ZFR: variants seen among roughly 807,000 people sequenced by gnomAD.
ZFR encodes zinc finger RNA binding protein.
In ZFR, 19 loss-of-function variants were observed where a neutral mutation model predicts 130.7. That is an observed-to-expected ratio of 0.15 (90% CI 0.10 to 0.21). The LOEUF is 0.21. Among genes scored for constraint, ZFR ranks in the 10% least tolerant of loss-of-function variants. The probability of loss-of-function intolerance (pLI) is 1.00; values close to 1 mark genes in which losing one functional copy is unlikely to be tolerated. For missense variants in ZFR, 872 were observed against 1,321.5 expected, an observed-to-expected ratio of 0.66 and a Z score of 5.27; for synonymous variants, 466 against 456.9, an observed-to-expected ratio of 1.02 and a Z score of -0.25.
chr5:32,396,113 G>A (rs1753303776), intron 10 of ZFR, among the ~76,000 whole-genome samples: 1 of 151,852 alleles, frequency 6.6e-6, no homozygotes, highest in Non-Finnish European at 1.5e-5. Context: ...CAGTTACTTG[G>A]GAGGCTGCGG....
intron 17 of ZFR, among the ~76,000 whole-genome samples, chr5:32,378,819 C>G (rs1259208531): frequency 2.0e-5 from 3 of 150,796 alleles, no homozygotes. Context: ...CTTCTTTATA[C>G]ATTTGTATAT....
In ZFR at chr5:32,387,568, T is replaced by A. The variant is rs1348524560; in HGVS notation, c.2480A>T (p.Asn827Ile). 6.2e-7 allele frequency: 1 copy of A among 1,612,502 alleles called. No homozygotes were observed. The highest frequency in any genetic ancestry group is 8.5e-7 in the Non-Finnish European group (1 of 1,179,314). Residue 827 changes from asparagine to isoleucine, a missense_variant, in exon 14 of 20, where the codon AAC becomes ATC. Physicochemically the swap from Asn to Ile is moderately radical, Grantham distance 149. This residue lies in a region of ZFR where 225 missense variants were observed against 282.4 expected (regional missense o/e 0.80). Coordinates refer to ENST00000265069, the MANE Select transcript of ZFR (RefSeq NM_016107.5). ...SKTLLSRIAE[N>I]LPKQLAVISP... Reference sequence around the variant, plus strand: ...ACTTACAGCAAGCTGTTTGGGTAGGTTTTCTGCAATACGGCTTAATAATGT... The same window carrying A: ...ACTTACAGCAAGCTGTTTGGGTAGGATTTCTGCAATACGGCTTAATAATGT...
chr5:32,358,904 T>C (rs897015952), intron 19 of ZFR, among the ~76,000 whole-genome samples: 1 of 152,088 alleles, frequency 6.6e-6, no homozygotes, highest in African/African-American at 2.4e-5. Flanking sequence ...TTTTCTTTTA[T>C]TAAAATTTAT....
At chr5:32,382,508 A>G (rs1225118601) in intron 15 of ZFR, among the ~76,000 whole-genome samples, 3 of 152,190 alleles carry the variant, frequency 2.0e-5, no homozygotes, top group Non-Finnish European at 4.4e-5. Context: ...TCACAATTTT[A>G]TTTCCTCCGA....
At chr5:32,374,793 C>T (rs866436400) in intron 17 of ZFR, among the ~76,000 whole-genome samples, 1 of 151,458 alleles carries the variant, frequency 6.6e-6, no homozygotes. Context: ...TATAAATTGC[C>T]AAAATTAACC....
At chr5:32,370,905 G>C (rs1008988186) in intron 17 of ZFR, among the ~76,000 whole-genome samples, 1 of 152,114 alleles carries the variant, frequency 6.6e-6, no homozygotes, top group African/African-American at 2.4e-5. Flanking sequence ...CACAAAAGCA[G>C]GCATTGTTAC....
At chr5:32,395,015 C>T in intron 11 of ZFR, 144 bp downstream of exon 11, 1 of 1,180,508 alleles carries the variant, frequency 8.5e-7, no homozygotes, top group Non-Finnish European at 1.1e-6. Flanking sequence ...GCATGTCTTT[C>T]CTAGACCTAG....
intron 9 of ZFR, among the ~76,000 whole-genome samples, chr5:32,397,849 C>CT (rs70961626): frequency 0.27 from 18,090 of 66,396 alleles, 6,334 homozygotes; most frequent in Non-Finnish European, 0.3. Context: ...GCTCTTGTAT[C>CT]TTTTTTTTTT....
intron 17 of ZFR, among the ~76,000 whole-genome samples, chr5:32,367,667 G>C (rs1001626497): frequency 6.6e-6 from 1 of 151,906 alleles, no homozygotes; most frequent in Non-Finnish European, 1.5e-5. Context: ...TTCCATCTTC[G>C]TGTCCCAAAG....
intron 17 of ZFR, among the ~76,000 whole-genome samples, chr5:32,371,097 T>C (rs1283828271): frequency 6.6e-6 from 1 of 152,194 alleles, no homozygotes. Context: ...GGGCCAGGCA[T>C]GTTGGCTCAT....
At chr5:32,428,411 C>CA (rs1182677941) in intron 2 of ZFR, among the ~76,000 whole-genome samples, 21 of 150,338 alleles carry the variant, frequency 1.4e-4, no homozygotes, top group South Asian at 8.5e-4. Context: ...GAGTCTGTCT[C>CA]AAAAAAAAAG....
chr5:32,444,326 G>A lies in ZFR; in HGVS notation c.40C>T (p.Pro14Ser). 1 of 1,538,140 alleles carries A rather than the reference G, an allele frequency of 6.5e-7. No individual in the cohort carries two copies. The highest frequency in any genetic ancestry group is 2.0e-5 in the Admixed American group (1 of 49,158). The change falls in exon 2 of 20, where the codon CCC becomes TCC. Residue 14 changes from proline to serine, a missense_variant and splice_region_variant. Pro to Ser is a moderately conservative substitution (Grantham distance 74). Coordinates refer to ENST00000265069, the MANE Select transcript of ZFR (RefSeq NM_016107.5). Reference sequence around the variant, plus strand: ...TTGGCATCTTCCCCCAGCCGGCTGGGCACTGCGGCGGGCACGAAGAGTCGG... The same window carrying A: ...TTGGCATCTTCCCCCAGCCGGCTGGACACTGCGGCGGGCACGAAGAGTCGG... ...ICPVVSFTYV[P>S]SRLGEDAKMA... is the part of the protein sequence containing the mutation.
At chr5:32,360,947 C>T (rs924375435) in intron 19 of ZFR, among the ~76,000 whole-genome samples, 5 of 152,070 alleles carry the variant, frequency 3.3e-5, no homozygotes, top group Non-Finnish European at 4.4e-5. Context: ...TGAGTAGCTG[C>T]GATTACAGGT....
At chr5:32,385,447 A>T (rs938149586) in intron 15 of ZFR, 61 bp downstream of exon 15, 5 of 1,583,672 alleles carry the variant, frequency 3.2e-6, no homozygotes, top group Non-Finnish European at 4.3e-6. Flanking sequence ...ATGCCATCTT[A>T]AAGAGTAGAT....
intron 3 of ZFR, among the ~76,000 whole-genome samples, chr5:32,419,381 A>AGGCTGGAATGCAATGGCATAATCCT (rs1753903955): frequency 2.6e-5 from 4 of 152,092 alleles, no homozygotes; most frequent in Non-Finnish European, 5.9e-5. Flanking sequence ...TCTGTCACCC[A>AGGCTGGAATGCAATGGCATAATCCT]GGCTGGAATG....
chr5:32,384,014 A>G (rs1417233179), intron 15 of ZFR, among the ~76,000 whole-genome samples: 5 of 152,224 alleles, frequency 3.3e-5, no homozygotes, highest in Admixed American at 2.6e-4. Flanking sequence ...TTCCTTTAGA[A>G]GGGATAGGTT....
intron 17 of ZFR, among the ~76,000 whole-genome samples, chr5:32,371,862 G>C (rs1463510078): frequency 6.6e-6 from 1 of 150,554 alleles, no homozygotes; most frequent in East Asian, 1.9e-4. Context: ...TTAGAGGTAG[G>C]GAAAAAAAAA....
chr5:32,369,244 T>C (rs1223682886), intron 17 of ZFR, among the ~76,000 whole-genome samples: 1 of 152,166 alleles, frequency 6.6e-6, no homozygotes, highest in East Asian at 1.9e-4. Context: ...TGCCCTGAGA[T>C]GTCAGTGTCC....
At position 32,406,992 on chromosome 5, in the gene ZFR, C is replaced by T; in HGVS notation, c.814G>A (p.Val272Met). Reference protein sequence around the residue: ...GTSYSGYEAAVYSAASSYYQQ... With the variant: ...GTSYSGYEAAMYSAASSYYQQ... ...TAGTAGGAAGATGCAGCTGAATACACTGCTGCTTCATAACCTGAATAAGAC... is the reference window on the plus strand; with the variant it reads ...TAGTAGGAAGATGCAGCTGAATACATTGCTGCTTCATAACCTGAATAAGAC... The change falls in exon 6 of 20, where the codon GTG (valine) becomes ATG (methionine). Residue 272 changes from valine to methionine, a missense_variant. Val to Met is a conservative substitution (Grantham distance 21). Around this residue, in one of 7 missense-constraint regions of ZFR, gnomAD observed 240 missense variants for 441.2 expected, o/e 0.54. Transcript: ENST00000265069. The T allele has an allele frequency of 6.4e-7, 1 of 1,562,462 alleles. No individual in the cohort carries two copies. Among genetic ancestry groups the T allele is most frequent in the Non-Finnish European group, 8.6e-7 (1 of 1,162,270 alleles).
Sources: gnomAD v4.1 joint callset for allele counts (sites outside exome capture counted in the v4.1 genomes callset) on GRCh38, gnomAD v4.1.1 for gene constraint, gnomAD v4.1.1 regional missense constraint, MANE v1.5 for transcripts, NCBI Gene and HGNC (gene_info 2026-07-23, HGNC 2026-07-21) for gene names.